The following ST6GALNAC5 variants were observed in gnomAD, a reference collection of about 807,000 sequenced individuals.
The protein encoded by ST6GALNAC5 is ST6 N-acetylgalactosaminide alpha-2,6-sialyltransferase 5, also known as alpha-N-acetylgalactosaminide alpha-2,6-sialyltransferase 5.
In ST6GALNAC5, 27 loss-of-function variants were observed where a neutral mutation model predicts 33.6. The observed-to-expected ratio is 0.80, with a 90% CI of 0.59 to 1.11. The LOEUF (loss-of-function observed/expected upper bound fraction) is 1.11, where lower values mean the gene tolerates loss of function less well. Ranked by LOEUF, ST6GALNAC5 falls within the 50% of genes least tolerant of loss-of-function variation. The probability of loss-of-function intolerance (pLI) is 0.00; values close to 1 mark genes in which losing one functional copy is unlikely to be tolerated. For missense variants in ST6GALNAC5, 428 were observed against 454.0 expected (o/e 0.94, Z 0.52); for synonymous variants, 194 against 171.2 (o/e 1.13, Z -1.04).
chr1:77,018,181 T>C (rs1037048962), intron 2 of ST6GALNAC5, among the ~76,000 whole-genome samples: 2 of 151,732 alleles, frequency 1.3e-5, no homozygotes, highest in African/African-American at 4.8e-5. Flanking sequence ...GGAAGGAGAG[T>C]TCTAGAAAGA....
chr1:76,872,397 C>A (rs940056832), intron 2 of ST6GALNAC5, among the ~76,000 whole-genome samples: 1 of 152,184 alleles, frequency 6.6e-6, no homozygotes, highest in Non-Finnish European at 1.5e-5. Flanking sequence ...AAGCAGCTAT[C>A]TCTTTGCTTC....
intron 2 of ST6GALNAC5, among the ~76,000 whole-genome samples, chr1:76,969,187 A>G (rs1648630429): frequency 6.6e-6 from 1 of 152,286 alleles, no homozygotes; most frequent in Non-Finnish European, 1.5e-5. Context: ...GGTGTAGCCC[A>G]TGGAGGGCAA....
chr1:77,013,830 G>A (rs753374021), intron 2 of ST6GALNAC5, among the ~76,000 whole-genome samples: 1 of 152,244 alleles, frequency 6.6e-6, no homozygotes, highest in Non-Finnish European at 1.5e-5. Context: ...GCTGTTTAAA[G>A]TAGCTGCTCA....
intron 2 of ST6GALNAC5, among the ~76,000 whole-genome samples, chr1:76,972,154 G>T (rs11162240): frequency 6.6e-6 from 1 of 152,182 alleles, no homozygotes; most frequent in Non-Finnish European, 1.5e-5. Context: ...CACAATCATG[G>T]TGGAAGGCGA....
intron 2 of ST6GALNAC5, among the ~76,000 whole-genome samples, chr1:76,882,934 G>A (rs1440678443): frequency 6.6e-6 from 1 of 152,008 alleles, no homozygotes; most frequent in Non-Finnish European, 1.5e-5. Flanking sequence ...GCTGCCCTCA[G>A]CCTAGGCACC....
Position 77,063,122 on chromosome 1 carries a change from G to T in ST6GALNAC5, c.927G>T (p.Arg309=). 6.2e-7 allele frequency: 1 copy of T among 1,613,850 alleles called. No individual in the cohort carries two copies. ...AACGAGTCTTTAAGAACTGGGCACG[G>T]ACATTCAATATTCACTTTTTTCAAC... ...TEKRVFKNWA[R]TFNIHFFQPD... The change falls in exon 5 of 5, where the codon CGG becomes CGT. Residue 309 remains arginine, a synonymous_variant. Transcript: ENST00000477717.
At chr1:76,963,537 C>A (rs1648333043) in intron 2 of ST6GALNAC5, among the ~76,000 whole-genome samples, 1 of 152,196 alleles carries the variant, frequency 6.6e-6, no homozygotes, top group South Asian at 2.1e-4. Context: ...GTGTCCAAAT[C>A]ACAAGCCTGG....
chr1:76,915,879 AAAAAAAC>A (rs1646967514), intron 2 of ST6GALNAC5, among the ~76,000 whole-genome samples: 1 of 130,008 alleles, frequency 7.7e-6, no homozygotes, highest in African/African-American at 3.1e-5. Flanking sequence ...AAATAACAAA[AAAAAAAC>A]AAAAAAACAA....
intron 2 of ST6GALNAC5, among the ~76,000 whole-genome samples, chr1:76,903,532 G>A (rs777634725): frequency 6.6e-6 from 1 of 152,056 alleles, no homozygotes; most frequent in South Asian, 2.1e-4. Flanking sequence ...CTACTCCTAG[G>A]TATATGCCAA....
At chr1:76,888,438 A>G (rs1392775944) in intron 2 of ST6GALNAC5, among the ~76,000 whole-genome samples, 2 of 152,224 alleles carry the variant, frequency 1.3e-5, no homozygotes, top group Admixed American at 6.5e-5. Flanking sequence ...TGTATGTCCT[A>G]TATGAATACA....
chr1:77,049,230 G>A (rs779276370), intron 3 of ST6GALNAC5, among the ~76,000 whole-genome samples: 1 of 152,016 alleles, frequency 6.6e-6, no homozygotes, highest in Non-Finnish European at 1.5e-5. Context: ...TCAAGGATGG[G>A]TGCCACACAG....
rs1652765653 is a variant in ST6GALNAC5, at chr1:77,065,957, CG to C, written c.*2754del. On this transcript the variant is annotated 3_prime_UTR_variant, in exon 5 of 5. Transcript: ENST00000477717. ...TAGATAGCCATTATGGGCAAAGATA[CG>C]GGAATTTGCAAACAAAATCAATCAC... Among the ~76,000 whole-genome samples, 1 of 152,098 alleles carries C rather than the reference CG, an allele frequency of 6.6e-6. No homozygotes were observed. Among genetic ancestry groups the C allele is most frequent in the Non-Finnish European group, 1.5e-5 (1 of 68,010 alleles).
chr1:76,907,557 T>C (rs1422081749), intron 2 of ST6GALNAC5, among the ~76,000 whole-genome samples: 1 of 152,162 alleles, frequency 6.6e-6, no homozygotes, highest in Non-Finnish European at 1.5e-5. Flanking sequence ...TGCTCCACAG[T>C]TTCTTGCATC....
chr1:76,908,587 C>G lies in ST6GALNAC5; in HGVS notation c.261+39845C>G, dbSNP rs193222203. 7.2e-5 allele frequency among the ~76,000 whole-genome samples: 11 copies of G among 152,266 alleles called. No individual in the cohort carries two copies. In the East Asian group the frequency reaches 2.1e-3, roughly 29 times the overall value. On this transcript the variant is annotated intron_variant, in intron 2 of 4. Coordinates refer to ENST00000477717, the MANE Select transcript of ST6GALNAC5 (RefSeq NM_030965.3). ...ACAAGGCTCTTACCCCTCTTTTGTTCTTGGCTACTTTATAACATCCACTTA... is the reference window on the plus strand; with the variant it reads ...ACAAGGCTCTTACCCCTCTTTTGTTGTTGGCTACTTTATAACATCCACTTA...
At chr1:76,972,307 A>G (rs975052519) in intron 2 of ST6GALNAC5, among the ~76,000 whole-genome samples, 6 of 152,136 alleles carry the variant, frequency 3.9e-5, no homozygotes, top group African/African-American at 1.4e-4. Context: ...CTGTGATTCA[A>G]TTGCCTCCCA....
intron 2 of ST6GALNAC5, among the ~76,000 whole-genome samples, chr1:76,966,984 C>G (rs1648521889): frequency 6.6e-6 from 1 of 152,152 alleles, no homozygotes; most frequent in Admixed American, 6.5e-5. Context: ...TGATGTGCTG[C>G]TGGATTCAGA....
intron 2 of ST6GALNAC5, among the ~76,000 whole-genome samples, chr1:76,970,217 C>T (rs1306965760): frequency 6.6e-6 from 1 of 151,970 alleles, no homozygotes; most frequent in Non-Finnish European, 1.5e-5. Flanking sequence ...GAAGAGCTGA[C>T]AGAAATAGGC....
chr1:77,040,913 G>A (rs1235835400), intron 2 of ST6GALNAC5, among the ~76,000 whole-genome samples: 1 of 152,158 alleles, frequency 6.6e-6, no homozygotes, highest in Non-Finnish European at 1.5e-5. Context: ...TCTTTAGAAT[G>A]AATGAACAAA....
intron 2 of ST6GALNAC5, among the ~76,000 whole-genome samples, chr1:76,883,296 A>G (rs146975684): frequency 6.6e-6 from 1 of 152,316 alleles, no homozygotes; most frequent in Admixed American, 6.5e-5. Flanking sequence ...AGTCTCCCTG[A>G]CTAGGTTTTA....
Sources: gnomAD v4.1 joint callset for allele counts (sites outside exome capture counted in the v4.1 genomes callset) on GRCh38, gnomAD v4.1.1 for gene constraint, MANE v1.5 for transcripts, NCBI Gene and HGNC (gene_info 2026-07-23, HGNC 2026-07-21) for gene names.